Variants in EYA4 observed in about 807,000 individuals in gnomAD.
The protein encoded by EYA4 is EYA transcriptional coactivator and phosphatase 4.
A neutral mutation model predicts 87.9 loss-of-function variants in EYA4; 31 were observed. The observed-to-expected ratio is 0.35, with a 90% CI of 0.27 to 0.48. The LOEUF (loss-of-function observed/expected upper bound fraction) is 0.48. EYA4 is among the 20% of genes least tolerant of loss of function. The pLI, the probability that EYA4 is intolerant of heterozygous loss-of-function variation, is 0.99. For missense variants in EYA4, 678 were observed against 761.4 expected (o/e 0.89, Z 1.29); for synonymous variants, 263 against 270.6 (o/e 0.97, Z 0.28).
In EYA4 at chr6:133,530,348, T is replaced by C; in HGVS notation, c.*1543T>C. ...GTTGTGTTTGCATGGTTTTTTTCCT[T>C]GTGTGTAGCCCATGTTGGGAACACG... is the stretch of plus-strand genomic sequence containing the variant. On this transcript the variant is annotated 3_prime_UTR_variant, in exon 20 of 20. Coordinates refer to ENST00000355286, the MANE Select transcript of EYA4 (RefSeq NM_004100.5). 1 of 985,442 alleles carries C rather than the reference T, an allele frequency of 1.0e-6. No individual in the cohort carries two copies. The highest frequency in any genetic ancestry group is 1.2e-6 in the Non-Finnish European group (1 of 829,932). The allele number at this position is 985,442 out of a possible 1,614,324, so 61.0% of individuals were successfully genotyped here. A position where few individuals can be genotyped will look rare whatever the true frequency, so the allele number is the denominator to read the frequency against.
intron 3 of EYA4, among the ~76,000 whole-genome samples, chr6:133,430,487 CT>C (rs1791089884): frequency 6.6e-6 from 1 of 152,084 alleles, no homozygotes; most frequent in African/African-American, 2.4e-5. Context: ...ATGGTAGAAA[CT>C]CATTAAATGA....
At chr6:133,387,829 A>C (rs1046791891) in intron 3 of EYA4, among the ~76,000 whole-genome samples, 1 of 152,112 alleles carries the variant, frequency 6.6e-6, no homozygotes, top group African/African-American at 2.4e-5. Flanking sequence ...GTCTGGCCTC[A>C]TGTGGATGCT....
intron 6 of EYA4, among the ~76,000 whole-genome samples, chr6:133,460,631 A>AAT (rs1794296752): frequency 6.6e-6 from 1 of 152,080 alleles, no homozygotes; most frequent in African/African-American, 2.4e-5. Flanking sequence ...AAATAGAATA[A>AAT]AATAGTATTT....
chr6:133,442,968 G>A (rs1318171259), intron 3 of EYA4, among the ~76,000 whole-genome samples: 3 of 151,774 alleles, frequency 2.0e-5, no homozygotes, highest in African/African-American at 7.3e-5. Context: ...TTACATTACT[G>A]GCATAAAGCG....
At position 133,528,868 on chromosome 6, in the gene EYA4, T is replaced by C; in HGVS notation, c.*63T>C. Reference sequence around the variant, plus strand: ...AAGTACACTGAATTTTTATGTGTGATTCAATGCCTCTGGCTCTACACATAT... The same window carrying C: ...AAGTACACTGAATTTTTATGTGTGACTCAATGCCTCTGGCTCTACACATAT... On this transcript the variant is annotated 3_prime_UTR_variant, in exon 20 of 20. Transcript: ENST00000355286. The C allele has an allele frequency of 6.2e-7, 1 of 1,610,792 alleles. No individual in the cohort carries two copies. Among genetic ancestry groups the C allele is most frequent in the South Asian group, 1.1e-5 (1 of 90,832 alleles).
intron 1 of EYA4, among the ~76,000 whole-genome samples, chr6:133,252,066 A>G (rs1774952097): frequency 6.6e-6 from 1 of 152,194 alleles, no homozygotes; most frequent in African/African-American, 2.4e-5. Flanking sequence ...TACCTGAGAG[A>G]GAGTATGTAG....
At chr6:133,398,756 G>A (rs889013371) in intron 3 of EYA4, among the ~76,000 whole-genome samples, 4 of 152,050 alleles carry the variant, frequency 2.6e-5, no homozygotes, top group Non-Finnish European at 2.9e-5. Flanking sequence ...TGTAGAAAGC[G>A]AATGGCAGTT....
intron 3 of EYA4, among the ~76,000 whole-genome samples, chr6:133,428,911 CTTTTTTT>C (rs58727159): frequency 6.1e-3 from 292 of 48,206 alleles, no homozygotes; most frequent in Middle Eastern, 0.045. Context: ...GATTTAGCTT[CTTTTTTT>C]TTTTTTTTTT....
rs572069343 is a variant in EYA4, at chr6:133,425,980, C to T, written c.84-20650C>T. On this transcript the variant is annotated intron_variant, in intron 3 of 19. Transcript: ENST00000355286. ...TTAACTGCTTGCAGGAACGTGAACA[C>T]ACGATGCCGTTTCCCATCTCCATGC... is the stretch of plus-strand genomic sequence containing the variant. 5.3e-5 allele frequency among the ~76,000 whole-genome samples: 8 copies of T among 151,130 alleles called. No individual in the cohort carries two copies. In the East Asian group the frequency reaches 1.4e-3, roughly 26 times the overall value.
At chr6:133,356,812 AT>A (rs1486370992) in intron 2 of EYA4, among the ~76,000 whole-genome samples, 1 of 138,010 alleles carries the variant, frequency 7.2e-6, no homozygotes, top group Non-Finnish European at 1.6e-5. Flanking sequence ...TTTTATTTTT[AT>A]TTTTTTTGAG....
chr6:133,497,661 C>A (rs1383858444), intron 13 of EYA4, among the ~76,000 whole-genome samples: 1 of 152,152 alleles, frequency 6.6e-6, no homozygotes, highest in East Asian at 1.9e-4. Context: ...TATTTCTATT[C>A]CCTGATTGTG....
At chr6:133,343,561 G>A (rs894884847) in intron 2 of EYA4, among the ~76,000 whole-genome samples, 68 of 91,598 alleles carry the variant, frequency 7.4e-4, no homozygotes, top group African/African-American at 2.4e-3. Flanking sequence ...CAGCACCCCC[G>A]CCACCACCCC....
intron 3 of EYA4, among the ~76,000 whole-genome samples, chr6:133,436,178 C>A (rs1286183512): frequency 6.6e-6 from 1 of 151,642 alleles, no homozygotes; most frequent in African/African-American, 2.4e-5. Flanking sequence ...AAGATCGTGC[C>A]GTTGCACTCC....
At chr6:133,305,193 T>G (rs1397588920) in intron 2 of EYA4, among the ~76,000 whole-genome samples, 3 of 151,746 alleles carry the variant, frequency 2.0e-5, no homozygotes, top group Admixed American at 2.0e-4. Flanking sequence ...GCAGTGGGAG[T>G]TATAGTAAGA....
intron 1 of EYA4, among the ~76,000 whole-genome samples, chr6:133,264,400 G>A (rs778705839): frequency 4.6e-5 from 7 of 152,216 alleles, no homozygotes; most frequent in Non-Finnish European, 1.0e-4. Flanking sequence ...TCTATATTTC[G>A]GAACCATCAC....
intron 2 of EYA4, among the ~76,000 whole-genome samples, chr6:133,301,292 A>G (rs13212740): frequency 0.096 from 14,592 of 152,300 alleles, 854 homozygotes; most frequent in South Asian, 0.14. Flanking sequence ...TTTATCTTTT[A>G]AACATTATAT....
intron 2 of EYA4, among the ~76,000 whole-genome samples, chr6:133,295,114 T>A (rs1778852197): frequency 6.6e-6 from 1 of 152,208 alleles, no homozygotes; most frequent in African/African-American, 2.4e-5. Flanking sequence ...AGTAATATGC[T>A]ATGGATGGAA....
intron 13 of EYA4, among the ~76,000 whole-genome samples, chr6:133,483,375 C>T (rs1163411818): frequency 1.3e-5 from 2 of 151,974 alleles, no homozygotes; most frequent in East Asian, 3.9e-4. Context: ...CTTAGTCTCA[C>T]ATAATTATTT....
At chr6:133,309,533 T>C (rs1780059054) in intron 2 of EYA4, among the ~76,000 whole-genome samples, 1 of 152,246 alleles carries the variant, frequency 6.6e-6, no homozygotes, top group Admixed American at 6.5e-5. Context: ...ATCTTTGTTC[T>C]CTATTCTGAT....
Sources: allele counts gnomAD v4.1 joint callset (sites outside exome capture counted in the v4.1 genomes callset), GRCh38; gene constraint gnomAD v4.1.1; transcripts MANE v1.5; gene names NCBI Gene and HGNC (gene_info 2026-07-23, HGNC 2026-07-21).